CTNNA3: variants seen among roughly 807,000 people sequenced by gnomAD.
CTNNA3 encodes the protein catenin alpha 3.
In CTNNA3, 76 loss-of-function variants were observed where a neutral mutation model predicts 95.7. That is an observed-to-expected ratio of 0.79 (90% CI 0.66 to 0.96). The LOEUF (loss-of-function observed/expected upper bound fraction) is 0.96. Among genes scored for constraint, CTNNA3 ranks in the 40% least tolerant of loss-of-function variants. The pLI is 0.00. For missense variants in CTNNA3, 1,191 were observed against 1,089.8 expected, an observed-to-expected ratio of 1.09 and a Z score of -1.31; for synonymous variants, 431 against 374.4, an observed-to-expected ratio of 1.15 and a Z score of -1.74.
chr10:67,290,389 G>T (rs1447381044), intron 5 of CTNNA3, among the ~76,000 whole-genome samples: 1 of 152,056 alleles, frequency 6.6e-6, no homozygotes, highest in Non-Finnish European at 1.5e-5. Flanking sequence ...TAGCCTAAAA[G>T]TTATTCATGT....
chr10:67,172,298 T>C (rs1456414761), intron 7 of CTNNA3, among the ~76,000 whole-genome samples: 1 of 152,210 alleles, frequency 6.6e-6, no homozygotes, highest in African/African-American at 2.4e-5. Flanking sequence ...GTCTGTTTGA[T>C]TCTCCTTGAC....
chr10:66,394,311 C>T (rs2092956990), intron 11 of CTNNA3, among the ~76,000 whole-genome samples: 1 of 151,888 alleles, frequency 6.6e-6, no homozygotes, highest in Non-Finnish European at 1.5e-5. Context: ...AAGTTTAGTG[C>T]CTTAGCTACT....
chr10:67,374,951 G>T (rs1020329585), intron 5 of CTNNA3, among the ~76,000 whole-genome samples: 1 of 152,076 alleles, frequency 6.6e-6, no homozygotes, highest in Non-Finnish European at 1.5e-5. Context: ...AAAATATTTA[G>T]ATATTAAGTT....
At chr10:67,725,645 G>A (rs1486064125) in intron 1 of CTNNA3, among the ~76,000 whole-genome samples, 1 of 151,414 alleles carries the variant, frequency 6.6e-6, no homozygotes, top group Non-Finnish European at 1.5e-5. Flanking sequence ...ACCAAGGGAG[G>A]GAAAAAATAA....
chr10:66,455,694 T>C (rs2093490878), intron 11 of CTNNA3, among the ~76,000 whole-genome samples: 1 of 152,198 alleles, frequency 6.6e-6, no homozygotes, highest in African/African-American at 2.4e-5. Flanking sequence ...CTACTGTGGA[T>C]GCTCAGGCTC....
rs571529072 is a variant in CTNNA3 at position 66,022,165 on chromosome 10, T to C, written c.2160-33368A>G. ...GAGCCACCATGCCCAGCCTCGAAGATGTCTTTCATAAACGTAAGGATTTGA... is the reference window on the plus strand; with the variant it reads ...GAGCCACCATGCCCAGCCTCGAAGACGTCTTTCATAAACGTAAGGATTTGA... On this transcript the variant is annotated intron_variant, in intron 15 of 17. Transcript: ENST00000433211. Among the ~76,000 whole-genome samples, 420 of 152,248 alleles carry C rather than the reference T, an allele frequency of 2.8e-3. 3 individuals are homozygous for C. Among genetic ancestry groups the C allele is most frequent in the Non-Finnish European group, 5.0e-3 (338 of 68,026 alleles).
Position 67,727,533 on chromosome 10 carries a change from ATAT to A in CTNNA3, c.-2+35898_-2+35900del, listed in dbSNP as rs539478802. 5.5e-3 allele frequency among the ~76,000 whole-genome samples: 718 copies of A among 131,568 alleles called. 6 individuals are homozygous for A. Among genetic ancestry groups the A allele is most frequent in the African/African-American group, 0.019 (673 of 36,088 alleles). The allele number at this position is 131,568 out of a possible 152,430, so 86.3% of individuals were successfully genotyped here. The stretch of plus-strand genomic sequence containing the variant: ...TATAACATATCATATATTATGTAAC[ATAT>A]TATATATAATAGATCATATATAATA... On this transcript the variant is annotated intron_variant, in intron 1 of 17. Coordinates refer to the CTNNA3 transcript ENST00000684154.
chr10:67,402,273 A>C (rs1192821554), intron 5 of CTNNA3, among the ~76,000 whole-genome samples: 1 of 152,222 alleles, frequency 6.6e-6, no homozygotes, highest in Non-Finnish European at 1.5e-5. Flanking sequence ...GAGCTGAAAA[A>C]TTCACTACAA....
At chr10:67,319,254 G>T (rs2132547399) in intron 5 of CTNNA3, among the ~76,000 whole-genome samples, 1 of 152,270 alleles carries the variant, frequency 6.6e-6, no homozygotes, top group African/African-American at 2.4e-5. Flanking sequence ...GTCTTTCCCA[G>T]ACTTTGCTTC....
chr10:66,238,610 AT>A (rs1411196627), intron 13 of CTNNA3, among the ~76,000 whole-genome samples: 1 of 151,872 alleles, frequency 6.6e-6, no homozygotes, highest in African/African-American at 2.4e-5. Context: ...GCAGACTTAA[AT>A]GGGAGTAAAA....
chr10:66,295,267 C>T (rs1438154482), intron 12 of CTNNA3, among the ~76,000 whole-genome samples: 1 of 152,144 alleles, frequency 6.6e-6, no homozygotes, highest in African/African-American at 2.4e-5. Flanking sequence ...CTGCATTTAT[C>T]TAATGCACTA....
intron 10 of CTNNA3, among the ~76,000 whole-genome samples, chr10:66,579,536 T>C (rs1037973306): frequency 8.6e-5 from 13 of 151,810 alleles, no homozygotes; most frequent in African/African-American, 2.7e-4. Flanking sequence ...AGAGGTATTG[T>C]TTTTATCACT....
At chr10:67,320,161 C>G (rs1024912771) in intron 5 of CTNNA3, among the ~76,000 whole-genome samples, 7 of 152,094 alleles carry the variant, frequency 4.6e-5, no homozygotes, top group African/African-American at 1.7e-4. Context: ...GGGAAAGCCT[C>G]TTAAAGCCAG....
chr10:66,576,419 G>A (rs938302140), intron 10 of CTNNA3, among the ~76,000 whole-genome samples: 1 of 151,948 alleles, frequency 6.6e-6, no homozygotes, highest in Admixed American at 6.6e-5. Context: ...GTATGAATGA[G>A]CCCATCACCA....
At chr10:66,865,199 GGTGTGTGT>G (rs566237511) in intron 7 of CTNNA3, among the ~76,000 whole-genome samples, 25 of 138,384 alleles carry the variant, frequency 1.8e-4, no homozygotes, top group African/African-American at 6.3e-4. Flanking sequence ...ACAGGCATGG[GGTGTGTGT>G]GTGTGCGTGT....
Position 66,025,568 on chromosome 10 carries a change from C to T in CTNNA3, c.2160-36771G>A, listed in dbSNP as rs59173955. Among the ~76,000 whole-genome samples the T allele has an allele frequency of 1.0e-3, 152 of 152,272 alleles. 1 individual carries two copies. The highest frequency in any genetic ancestry group is 3.4e-3 in the African/African-American group (143 of 41,548). ...CATTGAATGTGTTTTTGCTCATCAT[C>T]TACTATCTTCCTCACATCTATGCTT... On this transcript the variant is annotated intron_variant, in intron 15 of 17. Transcript: ENST00000433211.
chr10:67,289,065 A>G (rs1369923078), intron 5 of CTNNA3, among the ~76,000 whole-genome samples: 1 of 152,220 alleles, frequency 6.6e-6, no homozygotes, highest in Non-Finnish European at 1.5e-5. Context: ...TACATTATAT[A>G]CAAGTTCTAA....
intron 7 of CTNNA3, among the ~76,000 whole-genome samples, chr10:67,078,745 T>C (rs1222506302): frequency 6.6e-6 from 1 of 152,130 alleles, no homozygotes; most frequent in Non-Finnish European, 1.5e-5. Flanking sequence ...CTCAATCTCC[T>C]GACCTTGTGA....
intron 7 of CTNNA3, among the ~76,000 whole-genome samples, chr10:66,893,779 T>C (rs778490914): frequency 7.9e-5 from 12 of 152,150 alleles, no homozygotes; most frequent in Non-Finnish European, 1.5e-4. Context: ...ACATACTAAG[T>C]CCTTTTGATT....
Sources: gnomAD v4.1 joint callset for allele counts (sites outside exome capture counted in the v4.1 genomes callset) on GRCh38, gnomAD v4.1.1 for gene constraint, MANE v1.5 for transcripts, NCBI Gene and HGNC (gene_info 2026-07-23, HGNC 2026-07-21) for gene names.